Variants in GABBR2 observed in about 807,000 individuals in gnomAD.
GABBR2 encodes the protein gamma-aminobutyric acid type B receptor subunit 2.
A neutral mutation model predicts 105.6 loss-of-function variants in GABBR2; 23 were observed. The ratio of observed to expected loss-of-function variants is 0.22; its 90% CI spans 0.16 to 0.31. GABBR2 has a LOEUF of 0.31. GABBR2 is among the 10% of genes least tolerant of loss of function. The probability of loss-of-function intolerance (pLI) is 1.00; values close to 1 mark genes in which losing one functional copy is unlikely to be tolerated. For missense variants in GABBR2, 734 were observed against 1,245.5 expected, an observed-to-expected ratio of 0.59 and a Z score of 6.18; for synonymous variants, 478 against 499.7, an observed-to-expected ratio of 0.96 and a Z score of 0.58.
At chr9:98,670,359 T>C (rs1025666721) in intron 1 of GABBR2, among the ~76,000 whole-genome samples, 4 of 151,800 alleles carry the variant, frequency 2.6e-5, no homozygotes, top group South Asian at 4.2e-4. Context: ...GATGAGGACA[T>C]AGAGAAATTG....
At chr9:98,625,324 C>T (rs1588257894) in intron 1 of GABBR2, among the ~76,000 whole-genome samples, 1 of 152,136 alleles carries the variant, frequency 6.6e-6, no homozygotes, top group South Asian at 2.1e-4. Context: ...GGCTCAGGAC[C>T]ATCCAGGAGA....
At chr9:98,311,319 A>C in intron 13 of GABBR2, 114 bp from the exon 14 acceptor site, 1 of 654,756 alleles carries the variant, frequency 1.5e-6, no homozygotes, top group Non-Finnish European at 2.8e-6. Context: ...GCCACTGTTC[A>C]GCAGGCCATT....
chr9:98,300,996 C>G (rs1398309350), intron 16 of GABBR2, among the ~76,000 whole-genome samples: 1 of 152,220 alleles, frequency 6.6e-6, no homozygotes, highest in African/African-American at 2.4e-5. Context: ...CGTGAAGGTT[C>G]CTGGAGCATG....
intron 3 of GABBR2, among the ~76,000 whole-genome samples, chr9:98,514,810 A>T (rs190903993): frequency 1.3e-3 from 204 of 152,326 alleles, no homozygotes; most frequent in African/African-American, 4.5e-3. Context: ...AATAATAATT[A>T]AAAAACCATT....
chr9:98,440,923 C>T (rs1826020611), intron 7 of GABBR2, among the ~76,000 whole-genome samples: 2 of 152,176 alleles, frequency 1.3e-5, no homozygotes, highest in South Asian at 4.1e-4. Context: ...CCTTGACACA[C>T]ACACAGAGAG....
At chr9:98,616,092 A>C (rs1829578617) in intron 1 of GABBR2, among the ~76,000 whole-genome samples, 1 of 152,256 alleles carries the variant, frequency 6.6e-6, no homozygotes. Flanking sequence ...AGATTCAGAG[A>C]GGTTAAATGA....
chr9:98,441,510 GGT>G (rs1826030704), intron 7 of GABBR2, among the ~76,000 whole-genome samples: 1 of 152,188 alleles, frequency 6.6e-6, no homozygotes, highest in African/African-American at 2.4e-5. Context: ...TGGGATTACA[GGT>G]GTGTGCCATC....
At chr9:98,580,430 T>C (rs995499036) in intron 1 of GABBR2, among the ~76,000 whole-genome samples, 1 of 152,180 alleles carries the variant, frequency 6.6e-6, no homozygotes, top group Non-Finnish European at 1.5e-5. Context: ...TGGGCAAGGA[T>C]TTTGTCATCG....
chr9:98,503,196 G>GCAT (rs1827439940), intron 3 of GABBR2, among the ~76,000 whole-genome samples: 1 of 152,200 alleles, frequency 6.6e-6, no homozygotes. Flanking sequence ...TCCAGGCCGA[G>GCAT]GAGCAGCATG....
intron 4 of GABBR2, among the ~76,000 whole-genome samples, chr9:98,488,116 T>C (rs1286548419): frequency 5.9e-5 from 9 of 152,178 alleles, no homozygotes; most frequent in Non-Finnish European, 1.2e-4. Flanking sequence ...AACTAGAGCC[T>C]CCAGAAGGAA....
Position 98,608,023 on chromosome 9 carries a change from G to A in GABBR2, c.322-29951C>T, listed in dbSNP as rs1194381169. The A allele has an allele frequency of 3.7e-5, 48 of 1,296,334 alleles. No homozygotes were observed. In the Admixed American group the frequency reaches 4.3e-4, roughly 12 times the overall value. The allele number at this position is 1,296,334 out of a possible 1,614,324, so 80.3% of individuals were successfully genotyped here. On this transcript the variant is annotated intron_variant, in intron 1 of 18. Transcript: ENST00000259455. ...CAGCATAAACAATTAGAGGAAAAAC[G>A]TCATCAGTTAGAGGATGAGAAAGCA...
chr9:98,293,322 C>T (rs1376641780), intron 18 of GABBR2, among the ~76,000 whole-genome samples: 1 of 152,128 alleles, frequency 6.6e-6, no homozygotes, highest in Non-Finnish European at 1.5e-5. Flanking sequence ...TGACATGCCA[C>T]TTCTTGCTTT....
At chr9:98,488,362 C>A (rs896973662) in intron 4 of GABBR2, among the ~76,000 whole-genome samples, 8 of 152,170 alleles carry the variant, frequency 5.3e-5, no homozygotes, top group African/African-American at 1.9e-4. Flanking sequence ...AGTAGCTTTT[C>A]TGGTCAAAGC....
chr9:98,403,651 AG>A (rs1263005611), intron 8 of GABBR2, among the ~76,000 whole-genome samples: 1 of 152,130 alleles, frequency 6.6e-6, no homozygotes, highest in African/African-American at 2.4e-5. Context: ...AAAAGCAGCC[AG>A]GGGGTTTCAG....
intron 4 of GABBR2, among the ~76,000 whole-genome samples, chr9:98,493,077 T>C (rs1827211964): frequency 6.6e-6 from 1 of 152,242 alleles, no homozygotes; most frequent in South Asian, 2.1e-4. Context: ...GTCAATCATT[T>C]ACATAATAGT....
intron 8 of GABBR2, among the ~76,000 whole-genome samples, chr9:98,405,018 C>T (rs10429456): frequency 0.041 from 6,211 of 151,884 alleles, 424 homozygotes; most frequent in African/African-American, 0.14. Flanking sequence ...ATAATAGTAC[C>T]GTGATTATAT....
intron 1 of GABBR2, among the ~76,000 whole-genome samples, chr9:98,704,365 C>T (rs760656003): frequency 2.9e-4 from 44 of 152,290 alleles, no homozygotes; most frequent in Admixed American, 5.9e-4. Context: ...AGACTGGGCT[C>T]CTTGGCTCCC....
chr9:98,327,134 A>G (rs1022131718), intron 13 of GABBR2, among the ~76,000 whole-genome samples: 2 of 152,230 alleles, frequency 1.3e-5, no homozygotes, highest in Non-Finnish European at 2.9e-5. Flanking sequence ...TCCTTGTGCT[A>G]TGATTTATTA....
rs560572765 is a variant in GABBR2, at chr9:98,684,295, TTAGA to T, written c.321+24118_321+24121del. Among the ~76,000 whole-genome samples the T allele has an allele frequency of 1.4e-4, 21 of 152,050 alleles. No homozygotes were observed. In the East Asian group the frequency reaches 3.5e-3, roughly 25 times the overall value. ...CACCATGGTATCAACAGTGATTGTG[TTAGA>T]TAGTCAGGTTATAAGTGATTTGAAT... On this transcript the variant is annotated intron_variant, in intron 1 of 18. Transcript: ENST00000259455.
Sources: allele counts gnomAD v4.1 joint callset (sites outside exome capture counted in the v4.1 genomes callset), GRCh38; gene constraint gnomAD v4.1.1; transcripts MANE v1.5; gene names NCBI Gene and HGNC (gene_info 2026-07-23, HGNC 2026-07-21).